MAPRE2: variants seen among roughly 807,000 people sequenced by gnomAD.
The protein encoded by MAPRE2 is microtubule associated protein RP/EB family member 2.
MAPRE2 carries 13 observed loss-of-function variants against 43.2 expected under a neutral mutation model. That is an observed-to-expected ratio of 0.30 (90% CI 0.20 to 0.48). The LOEUF (loss-of-function observed/expected upper bound fraction) is 0.48. Ranked by LOEUF, MAPRE2 falls within the 20% of genes least tolerant of loss-of-function variation. The probability of loss-of-function intolerance (pLI) is 0.99; values close to 1 mark genes in which losing one functional copy is unlikely to be tolerated. For synonymous variants in MAPRE2, 135 were observed against 148.8 expected, an observed-to-expected ratio of 0.91 and a Z score of 0.68; for missense variants, 161 against 400.2, an observed-to-expected ratio of 0.40 and a Z score of 5.10.
intron 5 of MAPRE2, chr18:35,127,499 C>T (rs1340156689): frequency 6.3e-6 from 1 of 158,654 alleles, no homozygotes; most frequent in African/African-American, 2.4e-5. Context: ...CTCCCTCCCA[C>T]TCTCTTCTTT....
intron 4 of MAPRE2, among the ~76,000 whole-genome samples, chr18:35,105,043 A>G (rs1347678349): frequency 2.0e-5 from 3 of 151,836 alleles, no homozygotes; most frequent in Non-Finnish European, 2.9e-5. Context: ...ATTCCTCCAC[A>G]CCCAAATAGC....
chr18:35,088,348 C>A (rs541772038), intron 2 of MAPRE2, among the ~76,000 whole-genome samples: 1 of 152,250 alleles, frequency 6.6e-6, no homozygotes, highest in Admixed American at 6.5e-5. Flanking sequence ...AGGAGCAAAT[C>A]TGAAGTGTTC....
chr18:35,048,632 ATATAC>A (rs910087405), intron 1 of MAPRE2, among the ~76,000 whole-genome samples: 205 of 149,184 alleles, frequency 1.4e-3, no homozygotes, highest in Non-Finnish European at 2.4e-3. Context: ...GTATTAACAC[ATATAC>A]TATATGTGTA....
intron 1 of MAPRE2, among the ~76,000 whole-genome samples, chr18:35,052,057 C>T (rs501295): frequency 0.66 from 100,078 of 152,026 alleles, 33,331 homozygotes; most frequent in African/African-American, 0.78. Context: ...AATTATACTA[C>T]AGTCTTTTTT....
In MAPRE2 at chr18:35,106,308, G is replaced by A. The variant is rs116475756; in HGVS notation, c.610+4149G>A. ...GGAATACTTGATTTATTTTTTTAGTGGATTTATCTCTCCCCCAAAATTTCC... is the reference window on the plus strand; with the variant it reads ...GGAATACTTGATTTATTTTTTTAGTAGATTTATCTCTCCCCCAAAATTTCC... On this transcript the variant is annotated intron_variant, in intron 4 of 6. Transcript: ENST00000300249. Among the ~76,000 whole-genome samples the A allele has an allele frequency of 9.0e-3, 1,356 of 151,452 alleles. 14 individuals carry two copies. The highest frequency in any genetic ancestry group is 0.031 in the African/African-American group (1,296 of 41,178).
intron 1 of MAPRE2, among the ~76,000 whole-genome samples, chr18:34,993,992 CT>C (rs11301716): frequency 0.055 from 6,652 of 119,942 alleles, 396 homozygotes; most frequent in African/African-American, 0.17. Context: ...CATGGATTTT[CT>C]TTTTTTTTTT....
intron 2 of MAPRE2, among the ~76,000 whole-genome samples, chr18:35,086,168 G>T (rs1429031509): frequency 6.6e-6 from 1 of 152,038 alleles, no homozygotes; most frequent in Admixed American, 6.5e-5. Flanking sequence ...AGCTGTTTGT[G>T]GCAGAACCCA....
At chr18:35,131,768 G>A (rs560629405) in intron 5 of MAPRE2, 10 of 424,482 alleles carry the variant, frequency 2.4e-5, no homozygotes, top group East Asian at 4.1e-5. Flanking sequence ...GCGGGGAACC[G>A]CACAAGCAGA....
chr18:34,988,258 G>A (rs1380432542), intron 1 of MAPRE2, among the ~76,000 whole-genome samples: 1 of 152,154 alleles, frequency 6.6e-6, no homozygotes, highest in African/African-American at 2.4e-5. Context: ...AGAGTCCATA[G>A]ATAATTCTTT....
At chr18:35,048,342 A>C (rs1905744317) in intron 1 of MAPRE2, among the ~76,000 whole-genome samples, 1 of 152,132 alleles carries the variant, frequency 6.6e-6, no homozygotes, top group Non-Finnish European at 1.5e-5. Flanking sequence ...GGGGATTTTA[A>C]TTCAACACAA....
At chr18:35,040,083 A>C (rs1252477385), upstream of MAPRE2, among the ~76,000 whole-genome samples, 2 of 152,178 alleles carry the variant, frequency 1.3e-5, no homozygotes, top group African/African-American at 4.8e-5. Flanking sequence ...TGCGCCTGTT[A>C]TCCCACCTAC....
At chr18:35,020,655 ACTAT>A (rs767965497) in intron 2 of MAPRE2, among the ~76,000 whole-genome samples, 42 of 152,080 alleles carry the variant, frequency 2.8e-4, no homozygotes, top group South Asian at 2.1e-4. Context: ...TTCGAATAAG[ACTAT>A]CTAACCACTC....
chr18:34,985,330 TA>T (rs568883177), intron 1 of MAPRE2, among the ~76,000 whole-genome samples: 708 of 39,460 alleles, frequency 0.018, 41 homozygotes, highest in Middle Eastern at 0.033. Flanking sequence ...ATATATAATA[TA>T]ATATATAATA....
intron 6 of MAPRE2, among the ~76,000 whole-genome samples, chr18:35,136,003 A>T (rs1910375892): frequency 6.6e-6 from 1 of 152,208 alleles, no homozygotes; most frequent in African/African-American, 2.4e-5. Flanking sequence ...CTGAGTGATT[A>T]CTTAACACTC....
At chr18:35,120,997 C>A (rs1031345329) in intron 4 of MAPRE2, among the ~76,000 whole-genome samples, 1 of 152,052 alleles carries the variant, frequency 6.6e-6, no homozygotes, top group African/African-American at 2.4e-5. Context: ...TGTGTGCACA[C>A]GCTCATGTTT....
intron 4 of MAPRE2, among the ~76,000 whole-genome samples, chr18:35,121,792 G>C (rs1043163180): frequency 1.3e-5 from 2 of 152,232 alleles, no homozygotes; most frequent in African/African-American, 4.8e-5. Context: ...GAAGCAAGAA[G>C]ATAGCTATTG....
rs1362174224 is a variant in MAPRE2 at position 35,142,813 on chromosome 18, AC to A, written c.*2448del. ...CCCCTCATTTCCCATGGATGGTGGG[AC>A]CCCATTATTCTCTCATCTCGGCATT... is the stretch of plus-strand genomic sequence containing the variant. On this transcript the variant is annotated 3_prime_UTR_variant, in exon 7 of 7. Transcript: ENST00000300249. 1 of 151,680 alleles carries A rather than the reference AC, an allele frequency of 6.6e-6. No homozygotes were observed. Among genetic ancestry groups the A allele is most frequent in the African/African-American group, 2.4e-5 (1 of 41,240 alleles). The allele number at this position is 151,680 out of a possible 1,614,324, so 9.4% of individuals were successfully genotyped here. A position where few individuals can be genotyped will look rare whatever the true frequency, so the allele number is the denominator to read the frequency against.
chr18:35,104,801 G>A (rs1036544527), intron 4 of MAPRE2, among the ~76,000 whole-genome samples: 3 of 152,096 alleles, frequency 2.0e-5, no homozygotes, highest in African/African-American at 7.2e-5. Context: ...CCTCTCCAAA[G>A]TCTGGGATTC....
At chr18:35,040,883 T>C (rs117007712), upstream of MAPRE2, among the ~76,000 whole-genome samples, 1,987 of 152,342 alleles carry the variant, frequency 0.013, 25 homozygotes, top group Middle Eastern at 0.024. Flanking sequence ...TTTAGCTTTT[T>C]GGCTTGTTTT....
Sources: gnomAD v4.1 joint callset for allele counts (sites outside exome capture counted in the v4.1 genomes callset) on GRCh38, gnomAD v4.1.1 for gene constraint, MANE v1.5 for transcripts, NCBI Gene and HGNC (gene_info 2026-07-23, HGNC 2026-07-21) for gene names.